The following LRMDA variants were observed in gnomAD, a reference collection of about 807,000 sequenced individuals.
LRMDA encodes leucine-rich melanocyte differentiation-associated protein.
Under a neutral mutation model 29.8 loss-of-function variants are expected in LRMDA, and 18 were observed. The ratio of observed to expected loss-of-function variants is 0.60; its 90% confidence interval spans 0.42 to 0.90. The LOEUF (loss-of-function observed/expected upper bound fraction) is 0.90. Ranked by LOEUF, LRMDA falls within the 40% of genes least tolerant of loss-of-function variation. LRMDA has a pLI of 0.00. For synonymous variants in LRMDA, 125 were observed against 109.4 expected (o/e 1.14, Z -0.89); for missense variants, 273 against 273.9 (o/e 1.00, Z 0.02).
intron 2 of LRMDA, among the ~76,000 whole-genome samples, chr10:75,534,389 T>C (rs992493021): frequency 1.3e-5 from 2 of 152,124 alleles, no homozygotes; most frequent in Non-Finnish European, 2.9e-5. Context: ...CAGTGAAAAA[T>C]GCTACCATTG....
rs117906354 is a variant in LRMDA, at chr10:75,734,831, A to G, written c.131+296337A>G. On this transcript the variant is annotated intron_variant, in intron 2 of 6. Transcript: ENST00000611255. The stretch of plus-strand genomic sequence containing the variant: ...AAAATTGAAGAGTTTTAAGACATGT[A>G]TCAAGCATTTTTGTTTTTAGTTATT... Among the ~76,000 whole-genome samples, 132 of 152,330 alleles carry G rather than the reference A, an allele frequency of 8.7e-4. 2 individuals are homozygous for G. In the East Asian group the frequency reaches 0.021, roughly 25 times the overall value.
chr10:76,088,713 T>TACTG (rs1265041288), intron 5 of LRMDA, among the ~76,000 whole-genome samples: 1 of 152,252 alleles, frequency 6.6e-6, no homozygotes, highest in African/African-American at 2.4e-5. Flanking sequence ...TTTTAGCTTG[T>TACTG]ACTGATTCTG....
At chr10:75,750,846 A>G (rs1842957285) in intron 2 of LRMDA, among the ~76,000 whole-genome samples, 1 of 147,230 alleles carries the variant, frequency 6.8e-6, no homozygotes, top group African/African-American at 2.5e-5. Context: ...GCGGCCGGGA[A>G]GAGGGGCTCC....
chr10:76,091,935 C>A (rs1849238122), intron 5 of LRMDA, among the ~76,000 whole-genome samples: 1 of 152,134 alleles, frequency 6.6e-6, no homozygotes, highest in Non-Finnish European at 1.5e-5. Context: ...GATCCTGGTG[C>A]CTTGGCCTTT....
chr10:76,517,118 GAA>G (rs954100687), intron 6 of LRMDA, among the ~76,000 whole-genome samples: 6 of 152,078 alleles, frequency 3.9e-5, no homozygotes, highest in Admixed American at 2.6e-4. Flanking sequence ...GCTTGAATGA[GAA>G]AGTTTTTCAT....
intron 2 of LRMDA, among the ~76,000 whole-genome samples, chr10:75,953,267 A>G (rs1846608769): frequency 6.6e-6 from 1 of 151,768 alleles, no homozygotes; most frequent in African/African-American, 2.4e-5. Context: ...TTATAGAGAT[A>G]GCGGTCTCAC....
At chr10:75,777,651 C>G in intron 2 of LRMDA, among the ~76,000 whole-genome samples, 1 of 152,286 alleles carries the variant, frequency 6.6e-6, no homozygotes, top group East Asian at 1.9e-4. Flanking sequence ...TGTGGTCTAG[C>G]GGTTAAGAGT....
At chr10:76,067,780 G>A (rs981410524) in intron 5 of LRMDA, among the ~76,000 whole-genome samples, 3 of 152,190 alleles carry the variant, frequency 2.0e-5, no homozygotes, top group African/African-American at 7.2e-5. Flanking sequence ...GCCAATGACT[G>A]ACGTATGAGT....
Position 75,958,960 on chromosome 10 carries a change from G to A in LRMDA, c.132-77048G>A, listed in dbSNP as rs988153115. ...ATCAGATCTCGTGAGACTTACTACC[G>A]CGAGAACAGTATGGGAGAAGCTGCC... is the stretch of plus-strand genomic sequence containing the variant. On this transcript the variant is annotated intron_variant, in intron 2 of 6. Transcript: ENST00000611255. Among the ~76,000 whole-genome samples the A allele has an allele frequency of 3.9e-5, 6 of 152,076 alleles. No homozygotes were observed. The East Asian group carries it at 5.8e-4, about 15-fold the overall frequency.
chr10:76,397,554 G>C (rs1226046623), intron 6 of LRMDA, among the ~76,000 whole-genome samples: 1 of 152,178 alleles, frequency 6.6e-6, no homozygotes, highest in Non-Finnish European at 1.5e-5. Context: ...AAACCACACG[G>C]CATAATTTAT....
chr10:75,526,709 A>G (rs2132040304), intron 2 of LRMDA, among the ~76,000 whole-genome samples: 1 of 152,176 alleles, frequency 6.6e-6, no homozygotes, highest in South Asian at 2.1e-4. Flanking sequence ...TTTAAAAATT[A>G]GCTGGGTGTG....
intron 2 of LRMDA, among the ~76,000 whole-genome samples, chr10:76,018,061 C>T (rs1847908225): frequency 6.6e-6 from 1 of 152,102 alleles, no homozygotes; most frequent in African/African-American, 2.4e-5. Flanking sequence ...CGATTTGGGC[C>T]AATAGGATTT....
chr10:76,541,178 T>C (rs563891757), intron 6 of LRMDA, among the ~76,000 whole-genome samples: 1 of 152,280 alleles, frequency 6.6e-6, no homozygotes, highest in Non-Finnish European at 1.5e-5. Flanking sequence ...CATCAAACTC[T>C]GCTAGGAGGC....
intron 6 of LRMDA, among the ~76,000 whole-genome samples, chr10:76,494,312 C>T (rs1842861752): frequency 6.8e-6 from 1 of 146,236 alleles, no homozygotes; most frequent in South Asian, 2.1e-4. Context: ...CACGATACTA[C>T]TCAGGCTACA....
At chr10:76,371,963 G>C (rs1335780037) in intron 6 of LRMDA, among the ~76,000 whole-genome samples, 2 of 152,118 alleles carry the variant, frequency 1.3e-5, no homozygotes, top group Non-Finnish European at 2.9e-5. Flanking sequence ...CTCTAACAAG[G>C]CAAGGTCCAA....
At position 76,560,079 on chromosome 10, in the gene LRMDA, A is replaced by G. The variant is rs1843604386; in HGVS notation, c.*2791A>G. ...TTGCTTTAAATAGAAGCACATTATA[A>G]GAGATTATCACTTGATCAGGCTGCA... On this transcript the variant is annotated 3_prime_UTR_variant, in exon 7 of 7. Transcript: ENST00000611255. 1 of 152,184 alleles carries G rather than the reference A, an allele frequency of 6.6e-6. No homozygotes were observed. The highest frequency in any genetic ancestry group is 2.4e-5 in the African/African-American group (1 of 41,438). The allele number at this position is 152,184 out of a possible 1,614,324, so 9.4% of individuals were successfully genotyped here.
chr10:76,182,299 T>C (rs1385101908), intron 5 of LRMDA, among the ~76,000 whole-genome samples: 1 of 152,146 alleles, frequency 6.6e-6, no homozygotes, highest in East Asian at 1.9e-4. Context: ...CTCACTATCA[T>C]GAGAACAGTG....
At chr10:75,926,653 G>A (rs1846124919) in intron 2 of LRMDA, among the ~76,000 whole-genome samples, 2 of 152,222 alleles carry the variant, frequency 1.3e-5, no homozygotes, top group Non-Finnish European at 2.9e-5. Context: ...GATTGCTCCC[G>A]TGTTCTTCAA....
chr10:76,158,142 C>T (rs1850575284), intron 5 of LRMDA, among the ~76,000 whole-genome samples: 2 of 152,102 alleles, frequency 1.3e-5, no homozygotes, highest in Non-Finnish European at 2.9e-5. Flanking sequence ...CCATCATAGA[C>T]TATCTATAAC....
Sources: allele counts gnomAD v4.1 joint callset (sites outside exome capture counted in the v4.1 genomes callset), GRCh38; gene constraint gnomAD v4.1.1; transcripts MANE v1.5; gene names NCBI Gene and HGNC (gene_info 2026-07-23, HGNC 2026-07-21).